The following UCP2 variants were observed in gnomAD, a reference collection of about 807,000 sequenced individuals.
UCP2 encodes the protein dicarboxylate carrier SLC25A8.
UCP2 carries 27 observed loss-of-function variants against 31.3 expected under a neutral mutation model. The observed-to-expected ratio is 0.86, with a 90% CI of 0.64 to 1.19. The LOEUF is 1.19. Ranked by LOEUF, UCP2 falls within the 50% of genes most tolerant of loss-of-function variation. The pLI, the probability that UCP2 is intolerant of heterozygous loss-of-function variation, is 0.00. For synonymous variants in UCP2, 142 were observed against 157.4 expected, an observed-to-expected ratio of 0.90 and a Z score of 0.73; for missense variants, 377 against 413.5, an observed-to-expected ratio of 0.91 and a Z score of 0.76.
At chr11:73,975,734 ATTAC>A in intron 6 of UCP2, 63 bp from the exon 7 acceptor site, 1 of 1,587,516 alleles carries the variant, frequency 6.3e-7, no homozygotes. Flanking sequence ...AGGCAGGAGA[ATTAC>A]TTAAGTAGCT....
In UCP2 at chr11:73,982,832, G is replaced by A. The variant is rs1209015402; in HGVS notation, c.-368C>T. 1 of 146,342 alleles carries A rather than the reference G, an allele frequency of 6.8e-6. No individual in the cohort carries two copies. 9.1% of individuals were successfully genotyped at this position (146,342 alleles called of 1,614,324 possible). A position where few individuals can be genotyped will look rare whatever the true frequency, so the allele number is the denominator to read the frequency against. ...AGTCAATCCCAAGGCGCGCGCAGCT[G>A]GGCTTCGCAGTGGGGCTCCGCGCAG... On this transcript the variant is annotated 5_prime_UTR_variant, in exon 1 of 8. Transcript: ENST00000663595.
chr11:73,980,786 G>T, intron 2 of UCP2: 1 of 152,334 alleles, frequency 6.6e-6, no homozygotes. Context: ...AGTTCTCACA[G>T]GCTGATTAAA....
intron 7 of UCP2, 108 bp downstream of exon 7, chr11:73,975,383 G>T: frequency 7.5e-7 from 1 of 1,338,544 alleles, no homozygotes; most frequent in Non-Finnish European, 1.0e-6. Flanking sequence ...ACCAGGATCA[G>T]AAATAGTCAC....
At chr11:73,979,508 T>G (rs1447635124) in intron 2 of UCP2, among the ~76,000 whole-genome samples, 2 of 151,818 alleles carry the variant, frequency 1.3e-5, no homozygotes, top group Non-Finnish European at 2.9e-5. Context: ...ATCGTGCCAC[T>G]GCACTCCAGC....
At chr11:73,976,577 C>T (rs987418296) in intron 6 of UCP2, 64 bp downstream of exon 6, 23 of 1,322,982 alleles carry the variant, frequency 1.7e-5, no homozygotes, top group African/African-American at 1.2e-4. Flanking sequence ...GTCAGCTAGA[C>T]CCCCGCACCT....
chr11:73,976,613 AC>A, intron 6 of UCP2, 27 bp downstream of exon 6: 1 of 1,584,184 alleles, frequency 6.3e-7, no homozygotes, highest in Non-Finnish European at 8.7e-7. Flanking sequence ...GAAGGGTGAG[AC>A]CCAGCACCGT....
intron 7 of UCP2, 129 bp from the exon 8 acceptor site, chr11:73,975,250 C>T: frequency 9.2e-6 from 9 of 981,114 alleles, no homozygotes; most frequent in Non-Finnish European, 1.4e-5. Context: ...ACTGAGCTCA[C>T]AGCTGCTTGG....
At chr11:73,975,462 G>C (rs980786353) in intron 7 of UCP2, 29 bp downstream of exon 7, 1 of 1,596,702 alleles carries the variant, frequency 6.3e-7, no homozygotes, top group Non-Finnish European at 8.5e-7. Context: ...CAAGAGGCCT[G>C]AACTGGGTGG....
chr11:73,982,944 G>T (rs1189424265), upstream of UCP2: 1 of 152,388 alleles, frequency 6.6e-6, no homozygotes, highest in Non-Finnish European at 1.5e-5. Flanking sequence ...ACTTGGGTGC[G>T]GAGACCCTGG....
Position 73,978,416 on chromosome 11 carries a change from A to T in UCP2, c.-38T>A. On this transcript the variant is annotated 5_prime_UTR_variant, in exon 3 of 8. Coordinates refer to ENST00000663595, the MANE Select transcript of UCP2 (RefSeq NM_003355.3). ...CTGCTACGTCCCAGGAGATGGAGAA[A>T]AACTGGAGACAGGGGCACCTTTAAT... 1.9e-6 allele frequency: 3 copies of T among 1,613,752 alleles called. No individual in the cohort carries two copies. Among genetic ancestry groups the T allele is most frequent in the Non-Finnish European group, 2.5e-6 (3 of 1,179,910 alleles).
intron 2 of UCP2, 62 bp from the exon 3 acceptor site, chr11:73,978,539 TC>T: frequency 1.9e-6 from 2 of 1,044,890 alleles, no homozygotes; most frequent in Non-Finnish European, 2.8e-6. Context: ...CTGCTCACCA[TC>T]CCCAAACTCA....
At position 73,981,570 on chromosome 11, in the gene UCP2, TC is replaced by T. The variant is rs1423388974; in HGVS notation, c.-195del. Reference sequence around the variant, plus strand: ...GCTGCCAGTGGCTATCATGGCCCGATCCCCTTGGTTTTCCATAGAAAATGGG... The same window carrying T: ...GCTGCCAGTGGCTATCATGGCCCGATCCCTTGGTTTTCCATAGAAAATGGG... On this transcript the variant is annotated 5_prime_UTR_variant, in exon 2 of 8. An upstream open reading frame in the 5' UTR gains an earlier in-frame stop. Coordinates refer to ENST00000663595, the MANE Select transcript of UCP2 (RefSeq NM_003355.3). 6.6e-6 allele frequency: 1 copy of T among 152,186 alleles called. No homozygotes were observed. Among genetic ancestry groups the T allele is most frequent in the African/African-American group, 2.4e-5 (1 of 41,424 alleles). 9.4% of individuals were successfully genotyped at this position (152,186 alleles called of 1,614,324 possible). A position where few individuals can be genotyped will look rare whatever the true frequency, so the allele number is the denominator to read the frequency against.
chr11:73,978,001 G>A lies in UCP2; in HGVS notation c.222C>T (p.Gly74=). 1 of 1,614,206 alleles carries A rather than the reference G, an allele frequency of 6.2e-7. No homozygotes were observed. Among genetic ancestry groups the A allele is most frequent in the Non-Finnish European group, 8.5e-7 (1 of 1,180,030 alleles). ...CCAGCCCATTGTAGAGGCTTCGGGG[G>A]CCCTCAGTACGCACCATGGTCAGAA... ...GTILTMVRTE[G]PRSLYNGLVA... is the part of the protein sequence containing the mutation. Residue 74 remains glycine (G), a synonymous_variant, in exon 4 of 8, where the codon GGC becomes GGT. Coordinates refer to ENST00000663595, the MANE Select transcript of UCP2 (RefSeq NM_003355.3).
Position 73,977,011 on chromosome 11 carries a change from C to G in UCP2, c.344G>C (p.Ser115Thr). 1 of 1,599,126 alleles carries G rather than the reference C, an allele frequency of 6.3e-7. No individual in the cohort carries two copies. The highest frequency in any genetic ancestry group is 8.5e-7 in the Non-Finnish European group (1 of 1,170,104). The stretch of plus-strand genomic sequence containing the variant: ...GCCTGCTAGGAGGCGGCTCCCAATG[C>G]TGGCATCTGTGGGCGAGCCATGGGG... ...QFYTKGSEHA[S>T]IGSRLLAGST... is the part of the protein sequence containing the mutation. The change falls in exon 5 of 8, where the codon AGC (serine) becomes ACC (threonine). Residue 115 changes from serine to threonine, a missense_variant. By Grantham distance (58) the Ser-to-Thr change is moderately conservative. Transcript: ENST00000663595.
At position 73,975,139 on chromosome 11, in the gene UCP2, C is replaced by G; in HGVS notation, c.816-18G>C. 16 of 1,598,816 alleles carry G rather than the reference C, an allele frequency of 1.0e-5. No individual in the cohort carries two copies. The highest frequency in any genetic ancestry group is 1.3e-5 in the Non-Finnish European group (15 of 1,171,338). On this transcript the variant is annotated intron_variant, in intron 7 of 7. Coordinates refer to ENST00000663595, the MANE Select transcript of UCP2 (RefSeq NM_003355.3). ...GCATGAACCTAGAGGAGAAAAATCACAGGTCATGGGGGCACCTCCACCTCC... is the reference window on the plus strand; with the variant it reads ...GCATGAACCTAGAGGAGAAAAATCAGAGGTCATGGGGGCACCTCCACCTCC...
chr11:73,977,167 G>T (rs2135366044), intron 4 of UCP2, 150 bp from the exon 5 acceptor site: 2 of 762,842 alleles, frequency 2.6e-6, no homozygotes, highest in Admixed American at 3.0e-5. Flanking sequence ...CTTGCTGTAA[G>T]AACTCCTCAC....
rs1287258608 is a variant in UCP2 at position 73,974,972 on chromosome 11, A to G, written c.*35T>C. On this transcript the variant is annotated 3_prime_UTR_variant, in exon 8 of 8. Transcript: ENST00000663595. ...GGAAAGCATGGCCCGGCTAGAGACAAAGCCAGAGGTGATCAGGTCAGCAGC... is the reference window on the plus strand; with the variant it reads ...GGAAAGCATGGCCCGGCTAGAGACAGAGCCAGAGGTGATCAGGTCAGCAGC... The G allele has an allele frequency of 6.4e-7, 1 of 1,565,732 alleles. No individual in the cohort carries two copies. The highest frequency in any genetic ancestry group is 8.8e-7 in the Non-Finnish European group (1 of 1,141,204).
At chr11:73,982,844 G>A (rs1951484895), upstream of UCP2, 2 of 152,384 alleles carry the variant, frequency 1.3e-5, no homozygotes. Context: ...GCTTCGCAGT[G>A]GGGCTCCGCG....
At chr11:73,980,806 G>A (rs946227054) in intron 2 of UCP2, 13 of 152,240 alleles carry the variant, frequency 8.5e-5, no homozygotes, top group African/African-American at 2.9e-4. Context: ...ACAGTACTGA[G>A]AAGGCTCAGG....
Sources: allele counts gnomAD v4.1 joint callset (sites outside exome capture counted in the v4.1 genomes callset), GRCh38; gene constraint gnomAD v4.1.1; transcripts MANE v1.5; gene names NCBI Gene and HGNC (gene_info 2026-07-23, HGNC 2026-07-21).